The following KIF25 variants were observed in gnomAD, a reference collection of about 807,000 sequenced individuals.
KIF25 encodes the protein kinesin family member 25.
In KIF25, 19 loss-of-function variants were observed where a neutral mutation model predicts 32.9. That is an observed-to-expected ratio of 0.58 (90% CI 0.40 to 0.85). The LOEUF (loss-of-function observed/expected upper bound fraction) is 0.85. KIF25 is among the 40% of genes least tolerant of loss of function. KIF25 has a pLI of 0.00. For missense variants in KIF25, 485 were observed against 507.0 expected, an observed-to-expected ratio of 0.96 and a Z score of 0.42; for synonymous variants, 225 against 213.7, an observed-to-expected ratio of 1.05 and a Z score of -0.46.
Position 168,042,548 on chromosome 6 carries a change from C to T in KIF25, c.830-13C>T, listed in dbSNP as rs760860859. On this transcript the variant is annotated splice_polypyrimidine_tract_variant and intron_variant, in intron 11 of 12. Coordinates refer to ENST00000643607, the MANE Select transcript of KIF25 (RefSeq NM_030615.4). ...TGGTGCAAACGGTGATGGTGCGTGGCGGTCCTGTCCAGGTGTGTCTGGAGT... is the reference window on the plus strand; with the variant it reads ...TGGTGCAAACGGTGATGGTGCGTGGTGGTCCTGTCCAGGTGTGTCTGGAGT... 10 of 1,608,224 alleles carry T rather than the reference C, an allele frequency of 6.2e-6. No individual in the cohort carries two copies. Among genetic ancestry groups the T allele is most frequent in the South Asian group, 3.3e-5 (3 of 90,468 alleles).
chr6:168,014,914 A>G (rs1798694009), intron 4 of KIF25, among the ~76,000 whole-genome samples: 1 of 152,188 alleles, frequency 6.6e-6, no homozygotes, highest in African/African-American at 2.4e-5. Context: ...TAAGTTTGAC[A>G]GTTACTGACC....
rs1799095475 is a variant in KIF25, at chr6:168,040,121, G to A, written c.551G>A (p.Arg184Lys). 6.2e-7 allele frequency: 1 copy of A among 1,614,068 alleles called. No individual in the cohort carries two copies. Among genetic ancestry groups the A allele is most frequent in the East Asian group, 2.2e-5 (1 of 44,888 alleles). Reference protein sequence around the residue: ...MELVHGGLQLRAKHPTLVHAD... With the variant: ...MELVHGGLQLKAKHPTLVHAD... ...CTCGTTCATGGAGGTCTGCAGCTCAGGGCGAAGCACCCCACCCTGGTGCAC... is the reference window on the plus strand; with the variant it reads ...CTCGTTCATGGAGGTCTGCAGCTCAAGGCGAAGCACCCCACCCTGGTGCAC... Residue 184 changes from arginine to lysine, a missense_variant, in exon 10 of 13, where the codon AGG becomes AAG. Arg to Lys is a conservative substitution (Grantham distance 26). Transcript: ENST00000643607.
chr6:168,013,353 A>T (rs1798672485), intron 4 of KIF25, among the ~76,000 whole-genome samples: 1 of 151,792 alleles, frequency 6.6e-6, no homozygotes, highest in Admixed American at 6.6e-5. Flanking sequence ...GTCACAGCTG[A>T]TCCTGGGCCC....
chr6:168,017,848 G>A lies in KIF25; in HGVS notation c.-162-125G>A, dbSNP rs578146683. 226 of 152,224 alleles carry A rather than the reference G, an allele frequency of 1.5e-3. 1 individual carries two copies. The highest frequency in any genetic ancestry group is 2.4e-3 in the Non-Finnish European group (163 of 68,038). The allele number at this position is 152,224 out of a possible 1,614,324, so 9.4% of individuals were successfully genotyped here. A position where few individuals can be genotyped will look rare whatever the true frequency, so the allele number is the denominator to read the frequency against. The stretch of plus-strand genomic sequence containing the variant: ...CATACACAGTCTGTAAACAAAGGAC[G>A]GGGCTGTGTTCCAGGCAAACTTTGT... On this transcript the variant is annotated intron_variant, in intron 4 of 12. Coordinates refer to ENST00000643607, the MANE Select transcript of KIF25 (RefSeq NM_030615.4).
Position 168,030,787 on chromosome 6 carries a change from CAG to C in KIF25, c.110_111del (p.Glu37ValfsTer52), listed in dbSNP as rs1456043610. On this transcript the variant is annotated frameshift_variant, in exon 7 of 13. Coordinates refer to ENST00000643607, the MANE Select transcript of KIF25 (RefSeq NM_030615.4). LOFTEE classifies it high-confidence loss of function. Reference sequence around the variant, plus strand: ...TTGTCTCTCAGGGTTTATGGTCCAGCAGAGTCTCAGAGCGCGGTCTTTGGAGA... The same window carrying C: ...TTGTCTCTCAGGGTTTATGGTCCAGCAGTCTCAGAGCGCGGTCTTTGGAGA... 3 of 1,612,688 alleles carry C rather than the reference CAG, an allele frequency of 1.9e-6. No homozygotes were observed. The highest frequency in any genetic ancestry group is 2.5e-6 in the Non-Finnish European group (3 of 1,179,472).
chr6:168,040,594 A>G (rs1799105375), intron 10 of KIF25, among the ~76,000 whole-genome samples: 1 of 151,674 alleles, frequency 6.6e-6, no homozygotes, highest in South Asian at 2.1e-4. Flanking sequence ...AGAAGAAGAA[A>G]AATCAGCATG....
At position 167,998,331 on chromosome 6, in the gene KIF25, A is replaced by C. The variant is rs1337614246; in HGVS notation, c.-1138A>C. On this transcript the variant is annotated 5_prime_UTR_variant, in exon 1 of 13. Coordinates refer to ENST00000643607, the MANE Select transcript of KIF25 (RefSeq NM_030615.4). ...AGTGCGCGGCCCATGGAGAATATGC[A>C]GGCAGAGGCTGATCCCAGCTTCTGT... 2 of 152,228 alleles carry C rather than the reference A, an allele frequency of 1.3e-5. No homozygotes were observed. Among genetic ancestry groups the C allele is most frequent in the African/African-American group, 4.8e-5 (2 of 41,450 alleles). The allele number at this position is 152,228 out of a possible 1,614,324, so 9.4% of individuals were successfully genotyped here.
At chr6:168,024,604 G>A (rs992439796) in intron 5 of KIF25, among the ~76,000 whole-genome samples, 10 of 152,028 alleles carry the variant, frequency 6.6e-5, no homozygotes, top group African/African-American at 2.2e-4. Context: ...ATCAACGTTG[G>A]CAGAATAAGG....
At chr6:168,040,035 T>G in intron 9 of KIF25, 30 bp from the exon 10 acceptor site, 1 of 1,592,066 alleles carries the variant, frequency 6.3e-7, no homozygotes. Flanking sequence ...CCGCCCTCAC[T>G]GTGTTCCCCA....
At chr6:168,029,737 G>T in intron 6 of KIF25, 60 bp downstream of exon 6, 1 of 1,546,330 alleles carries the variant, frequency 6.5e-7, no homozygotes, top group Non-Finnish European at 8.7e-7. Context: ...ATGTGCACAT[G>T]GGGCTCACTT....
chr6:168,009,861 G>T (rs1328637693), intron 4 of KIF25, among the ~76,000 whole-genome samples: 1 of 151,884 alleles, frequency 6.6e-6, no homozygotes, highest in African/African-American at 2.4e-5. Context: ...ATTGGCATAT[G>T]GTTGTTTATA....
At chr6:168,038,449 A>C (rs535278908) in intron 8 of KIF25, 104 bp from the exon 9 acceptor site, 984 of 1,109,588 alleles carry the variant, frequency 8.9e-4, no homozygotes, top group Non-Finnish European at 1.2e-3. Flanking sequence ...GGACCCCAGC[A>C]GTCTTACTGA....
chr6:168,014,494 T>A (rs1465500596), intron 4 of KIF25, among the ~76,000 whole-genome samples: 2 of 152,240 alleles, frequency 1.3e-5, no homozygotes, highest in Non-Finnish European at 2.9e-5. Flanking sequence ...TGTTGCTTTT[T>A]AATTTGATAG....
Position 167,999,200 on chromosome 6 carries a change from G to A in KIF25, c.-490G>A, listed in dbSNP as rs2636369. On this transcript the variant is annotated 5_prime_UTR_variant, in exon 2 of 13. Transcript: ENST00000643607. ...TGCTCCGCAGTGCAGGCTCGCGCCC[G>A]GGTTGACACGCAGACCTCTTGATCA... 51,391 of 152,168 alleles carry A rather than the reference G, an allele frequency of 0.34. 8,907 individuals carry two copies. The highest frequency in any genetic ancestry group is 0.39 in the African/African-American group (16,128 of 41,484). 9.4% of individuals were successfully genotyped at this position (152,168 alleles called of 1,614,324 possible). A position where few individuals can be genotyped will look rare whatever the true frequency, so the allele number is the denominator to read the frequency against.
rs187556847 is a variant in KIF25 at position 167,997,850 on chromosome 6, T to C, written c.-1619T>C. ...TTGGCCAGTTTCTCCGAATTCCACC[T>C]GCCCGAGGCCCACGAAGCCAGTGTT... On this transcript the variant is annotated 5_prime_UTR_variant, in exon 1 of 13. Transcript: ENST00000643607. 2.2e-3 allele frequency among the ~76,000 whole-genome samples: 339 copies of C among 152,296 alleles called. 2 individuals are homozygous for C. The highest frequency in any genetic ancestry group is 7.9e-3 in the African/African-American group (327 of 41,534).
At chr6:168,044,193 G>A (rs560930999) in intron 12 of KIF25, among the ~76,000 whole-genome samples, 7 of 151,204 alleles carry the variant, frequency 4.6e-5, no homozygotes, top group African/African-American at 1.7e-4. Context: ...GTGACCGGCT[G>A]CTGACCCTTC....
At chr6:168,027,110 G>C (rs1798870700) in intron 5 of KIF25, among the ~76,000 whole-genome samples, 1 of 152,092 alleles carries the variant, frequency 6.6e-6, no homozygotes, top group African/African-American at 2.4e-5. Context: ...GGAGGCCCTC[G>C]ACCTGGGGCT....
intron 8 of KIF25, among the ~76,000 whole-genome samples, chr6:168,038,050 C>T (rs922273974): frequency 6.4e-4 from 98 of 152,158 alleles, no homozygotes; most frequent in South Asian, 2.1e-4. Context: ...GCTGGTTTTA[C>T]GGGTCTTGCA....
chr6:168,004,878 T>C (rs2114866924), intron 4 of KIF25, among the ~76,000 whole-genome samples: 1 of 152,326 alleles, frequency 6.6e-6, no homozygotes, highest in South Asian at 2.1e-4. Context: ...GATGAAGCAC[T>C]TTTGCTTCAA....
Sources: gnomAD v4.1 joint callset for allele counts (sites outside exome capture counted in the v4.1 genomes callset) on GRCh38, gnomAD v4.1.1 for gene constraint, MANE v1.5 for transcripts, NCBI Gene and HGNC (gene_info 2026-07-23, HGNC 2026-07-21) for gene names.